MED28: variants seen among roughly 807,000 people sequenced by gnomAD.
MED28 encodes mediator of RNA polymerase II transcription subunit 28.
Under a neutral mutation model 21.3 loss-of-function variants are expected in MED28, and 26 were observed. The ratio of observed to expected loss-of-function variants is 1.22; its 90% CI spans 0.89 to 1.69. MED28 has a LOEUF of 1.69. Among genes scored for constraint, MED28 ranks in the 40% most tolerant of loss-of-function variants. The pLI is 0.00. For missense variants in MED28, 257 were observed against 215.4 expected (o/e 1.19, Z -1.21); for synonymous variants, 110 against 87.6 (o/e 1.26, Z -1.43).
intron 2 of MED28, among the ~76,000 whole-genome samples, chr4:17,621,018 GT>G (rs10679446): frequency 4.5e-4 from 59 of 130,742 alleles, no homozygotes; most frequent in African/African-American, 9.1e-4. Context: ...TCTGCCTTGT[GT>G]TTTTTTTTTT....
rs1198736807 is a variant in MED28 at position 17,626,014 on chromosome 4, TAATA to T, written c.*2220_*2223del. 1 of 161,384 alleles carries T rather than the reference TAATA, an allele frequency of 6.2e-6. No individual in the cohort carries two copies. The highest frequency in any genetic ancestry group is 1.3e-5 in the Non-Finnish European group (1 of 74,150). 10.0% of individuals were successfully genotyped at this position (161,384 alleles called of 1,614,324 possible). A position where few individuals can be genotyped will look rare whatever the true frequency, so the allele number is the denominator to read the frequency against. On this transcript the variant is annotated 3_prime_UTR_variant, in exon 4 of 4. Coordinates refer to ENST00000237380, the MANE Select transcript of MED28 (RefSeq NM_025205.5). ...TGTTTTTCCCATTTTCACAGATGGA[TAATA>T]AATCTGTAAAATAGGGATAAGACTA...
In MED28 at chr4:17,627,861, C is replaced by G. The variant is rs1208967460; in HGVS notation, c.*4063C>G. ...AAAAAATAAAAAAATACTGAGCAGT[C>G]TGCTTGGGCGCTTCCATCAGCCTGG... On this transcript the variant is annotated 3_prime_UTR_variant, in exon 4 of 4. Transcript: ENST00000237380. 6.6e-6 allele frequency: 1 copy of G among 152,330 alleles called. No individual in the cohort carries two copies. Among genetic ancestry groups the G allele is most frequent in the African/African-American group, 2.4e-5 (1 of 41,446 alleles). The allele number at this position is 152,330 out of a possible 1,614,324, so 9.4% of individuals were successfully genotyped here. A position where few individuals can be genotyped will look rare whatever the true frequency, so the allele number is the denominator to read the frequency against.
chr4:17,616,934 CTTGA>C (rs1180815499), intron 1 of MED28, among the ~76,000 whole-genome samples: 8 of 152,194 alleles, frequency 5.3e-5, no homozygotes, highest in Admixed American at 4.6e-4. Context: ...CCCTCTGGGA[CTTGA>C]TTATCCATAC....
chr4:17,619,687 G>A (rs11724495), intron 1 of MED28, among the ~76,000 whole-genome samples: 78,070 of 151,924 alleles, frequency 0.51, 23,202 homozygotes, highest in East Asian at 0.88. Context: ...ATGTGGTGCC[G>A]GCTCGTTTGC....
At position 17,626,740 on chromosome 4, in the gene MED28, G is replaced by T. The variant is rs1160452086; in HGVS notation, c.*2942G>T. ...AGGCTGTAGTGCAGTGGCACAACGG[G>T]GTCCCACAGGCAAGTGCTGGGGAAA... is the stretch of plus-strand genomic sequence containing the variant. On this transcript the variant is annotated 3_prime_UTR_variant, in exon 4 of 4. Coordinates refer to ENST00000237380, the MANE Select transcript of MED28 (RefSeq NM_025205.5). The T allele has an allele frequency of 6.6e-6, 1 of 152,192 alleles. No homozygotes were observed. The highest frequency in any genetic ancestry group is 1.5e-5 in the Non-Finnish European group (1 of 68,132). 9.4% of individuals were successfully genotyped at this position (152,192 alleles called of 1,614,324 possible). A position where few individuals can be genotyped will look rare whatever the true frequency, so the allele number is the denominator to read the frequency against.
chr4:17,615,865 ATTG>A (rs201246534), intron 1 of MED28, among the ~76,000 whole-genome samples: 10,242 of 152,226 alleles, frequency 0.067, 866 homozygotes, highest in African/African-American at 0.2. Flanking sequence ...TGACTTTTGT[ATTG>A]TATCTAATAG....
chr4:17,622,223 G>A (rs888698884), intron 3 of MED28, among the ~76,000 whole-genome samples: 2 of 152,104 alleles, frequency 1.3e-5, no homozygotes, highest in African/African-American at 4.8e-5. Flanking sequence ...GAATGGGTTG[G>A]GCCAGGACCT....
Position 17,629,739 on chromosome 4 carries a change from TGAGA to T in MED28, c.*5944_*5947del, listed in dbSNP as rs1309816264. ...TGTCATCTCTAGACCGCTCTGCTGTTGAGAGATTGATGGAATCATTATGCAAACT... is the reference window on the plus strand; with the variant it reads ...TGTCATCTCTAGACCGCTCTGCTGTTGATTGATGGAATCATTATGCAAACT... On this transcript the variant is annotated 3_prime_UTR_variant, in exon 4 of 4. Coordinates refer to ENST00000237380, the MANE Select transcript of MED28 (RefSeq NM_025205.5). 1 of 152,216 alleles carries T rather than the reference TGAGA, an allele frequency of 6.6e-6. No individual in the cohort carries two copies. Among genetic ancestry groups the T allele is most frequent in the African/African-American group, 2.4e-5 (1 of 41,450 alleles). The allele number at this position is 152,216 out of a possible 1,614,324, so 9.4% of individuals were successfully genotyped here. A position where few individuals can be genotyped will look rare whatever the true frequency, so the allele number is the denominator to read the frequency against.
At chr4:17,618,720 G>A (rs897768094) in intron 1 of MED28, among the ~76,000 whole-genome samples, 6 of 100,554 alleles carry the variant, frequency 6.0e-5, no homozygotes, top group Non-Finnish European at 1.1e-4. Context: ...GCTTCACCGT[G>A]TTAGTTAGGA....
At position 17,625,921 on chromosome 4, in the gene MED28, T is replaced by G. The variant is rs1002359711; in HGVS notation, c.*2123T>G. ...CAGGCTTTCAACTTTGAAACAAACA[T>G]CTGTGCCACACACATTTTGTAAATG... On this transcript the variant is annotated 3_prime_UTR_variant, in exon 4 of 4. Coordinates refer to ENST00000237380, the MANE Select transcript of MED28 (RefSeq NM_025205.5). 4 of 195,316 alleles carry G rather than the reference T, an allele frequency of 2.0e-5. No homozygotes were observed. Among genetic ancestry groups the G allele is most frequent in the Admixed American group, 1.2e-4 (2 of 16,598 alleles). The allele number at this position is 195,316 out of a possible 1,614,324, so 12.1% of individuals were successfully genotyped here. A position where few individuals can be genotyped will look rare whatever the true frequency, so the allele number is the denominator to read the frequency against.
intron 1 of MED28, 37 bp from the exon 2 acceptor site, chr4:17,619,864 A>G (rs1472248347): frequency 6.3e-7 from 1 of 1,586,902 alleles, no homozygotes; most frequent in East Asian, 2.2e-5. Context: ...TGATGTATAA[A>G]TGATATTTTT....
At chr4:17,622,124 A>T (rs1313879390) in intron 3 of MED28, among the ~76,000 whole-genome samples, 3 of 152,218 alleles carry the variant, frequency 2.0e-5, no homozygotes, top group African/African-American at 7.2e-5. Context: ...CTGGAAACTC[A>T]GGATTTCGTT....
At position 17,632,739 on chromosome 4, in the gene MED28, C is replaced by G; in HGVS notation, c.*8941C>G. 1.4e-6 allele frequency: 1 copy of G among 693,346 alleles called. No homozygotes were observed. Among genetic ancestry groups the G allele is most frequent in the Non-Finnish European group, 2.4e-6 (1 of 409,714 alleles). 42.9% of individuals were successfully genotyped at this position (693,346 alleles called of 1,614,324 possible). On this transcript the variant is annotated 3_prime_UTR_variant, in exon 4 of 4. Coordinates refer to ENST00000237380, the MANE Select transcript of MED28 (RefSeq NM_025205.5). ...TGCTTGTTTACTCTTCAAAAACACCCAAATGGGACTGGCCAACATTAGTAG... is the reference window on the plus strand; with the variant it reads ...TGCTTGTTTACTCTTCAAAAACACCGAAATGGGACTGGCCAACATTAGTAG...
chr4:17,619,565 G>A (rs1300740476), intron 1 of MED28, among the ~76,000 whole-genome samples: 4 of 152,154 alleles, frequency 2.6e-5, no homozygotes, highest in Admixed American at 6.5e-5. Flanking sequence ...TGAATGGGTG[G>A]TGATGTGAGT....
intron 1 of MED28, among the ~76,000 whole-genome samples, chr4:17,617,809 A>G (rs1714493182): frequency 6.6e-6 from 1 of 151,962 alleles, no homozygotes. Flanking sequence ...TGGGAGGCTG[A>G]GGCAGGAGAA....
chr4:17,615,992 ACT>A (rs781711089), intron 1 of MED28, among the ~76,000 whole-genome samples: 3 of 151,930 alleles, frequency 2.0e-5, no homozygotes, highest in African/African-American at 7.3e-5. Flanking sequence ...ATGGAGTCTC[ACT>A]CTCTCGCCCA....
Position 17,628,494 on chromosome 4 carries a change from A to T in MED28, c.*4696A>T, listed in dbSNP as rs1441780928. 1 of 151,944 alleles carries T rather than the reference A, an allele frequency of 6.6e-6. No individual in the cohort carries two copies. The highest frequency in any genetic ancestry group is 2.4e-5 in the African/African-American group (1 of 41,356). 9.4% of individuals were successfully genotyped at this position (151,944 alleles called of 1,614,324 possible). On this transcript the variant is annotated 3_prime_UTR_variant, in exon 4 of 4. Coordinates refer to ENST00000237380, the MANE Select transcript of MED28 (RefSeq NM_025205.5). ...TTGAAATCACCCAACCAGGGCCAGAATCCTAAAAGAGGTTCTTTGTGACAC... is the reference window on the plus strand; with the variant it reads ...TTGAAATCACCCAACCAGGGCCAGATTCCTAAAAGAGGTTCTTTGTGACAC...
intron 1 of MED28, among the ~76,000 whole-genome samples, chr4:17,615,227 C>G (rs939404632): frequency 2.0e-5 from 3 of 152,154 alleles, no homozygotes; most frequent in Non-Finnish European, 4.4e-5. Flanking sequence ...TAAAGGGACT[C>G]TTAAGAGCGG....
At chr4:17,616,718 G>T (rs1714465381) in intron 1 of MED28, among the ~76,000 whole-genome samples, 2 of 152,136 alleles carry the variant, frequency 1.3e-5, no homozygotes, top group Non-Finnish European at 2.9e-5. Flanking sequence ...GCTCCATGAA[G>T]TCAGAGACTA....
Sources: gnomAD v4.1 joint callset for allele counts (sites outside exome capture counted in the v4.1 genomes callset) on GRCh38, gnomAD v4.1.1 for gene constraint, MANE v1.5 for transcripts, NCBI Gene and HGNC (gene_info 2026-07-23, HGNC 2026-07-21) for gene names.